THADA: variants seen among roughly 807,000 people sequenced by gnomAD.
THADA encodes the protein tRNA (32-2'-O)-methyltransferase regulator THADA.
THADA carries 213 observed loss-of-function variants against 219.8 expected under a neutral mutation model. The observed-to-expected ratio is 0.97, with a 90% confidence interval of 0.87 to 1.09. The LOEUF is 1.09. Among genes scored for constraint, THADA ranks in the 50% least tolerant of loss-of-function variants. The pLI, the probability that THADA is intolerant of heterozygous loss-of-function variation, is 0.00. For synonymous variants in THADA, 1,018 were observed against 828.9 expected (o/e 1.23, Z -3.92); for missense variants, 2,956 against 2,311.3 (o/e 1.28, Z -5.72).
chr2:43,502,410 C>T (rs1198216071), intron 24 of THADA, among the ~76,000 whole-genome samples: 1 of 151,814 alleles, frequency 6.6e-6, no homozygotes, highest in African/African-American at 2.4e-5. Flanking sequence ...CATGGCAAAA[C>T]CTCGTCTCTA....
At chr2:43,422,180 G>C (rs1490781428) in intron 28 of THADA, among the ~76,000 whole-genome samples, 1 of 152,168 alleles carries the variant, frequency 6.6e-6, no homozygotes, top group Non-Finnish European at 1.5e-5. Flanking sequence ...CCTTGATAGA[G>C]AATACTAATT....
chr2:43,430,205 C>A lies in THADA; in HGVS notation c.3926+8G>T. 1.3e-6 allele frequency: 2 copies of A among 1,485,278 alleles called. No individual in the cohort carries two copies. Among genetic ancestry groups the A allele is most frequent in the Non-Finnish European group, 1.8e-6 (2 of 1,106,994 alleles). The allele number at this position is 1,485,278 out of a possible 1,614,324, so 92.0% of individuals were successfully genotyped here. On this transcript the variant is annotated splice_region_variant and intron_variant, in intron 27 of 37. Coordinates refer to ENST00000405975, the MANE Select transcript of THADA (RefSeq NM_022065.5). ...AGGTCATTTTGCCCCACCCAATTCT[C>A]TTCTTACCTGTCTACTGTATTGGCT...
chr2:43,517,790 G>A (rs1691915026), intron 22 of THADA, among the ~76,000 whole-genome samples: 1 of 152,020 alleles, frequency 6.6e-6, no homozygotes, highest in Non-Finnish European at 1.5e-5. Flanking sequence ...ACATGTGGTT[G>A]GAGACTCTCA....
intron 36 of THADA, among the ~76,000 whole-genome samples, chr2:43,237,963 A>G (rs1006629978): frequency 6.6e-6 from 1 of 151,250 alleles, no homozygotes. Context: ...TACTAAAAAT[A>G]CAAAAATTAG....
intron 29 of THADA, among the ~76,000 whole-genome samples, chr2:43,347,430 T>C (rs574500075): frequency 9.2e-5 from 14 of 152,270 alleles, no homozygotes; most frequent in African/African-American, 3.4e-4. Flanking sequence ...TACGTGGCCT[T>C]AAAAACAGTC....
At chr2:43,235,867 C>T (rs1196403035) in intron 36 of THADA, among the ~76,000 whole-genome samples, 1 of 151,610 alleles carries the variant, frequency 6.6e-6, no homozygotes, top group Non-Finnish European at 1.5e-5. Flanking sequence ...AGTGCAGTGG[C>T]GGGATCTCGG....
At chr2:43,400,932 T>G (rs1674756812) in intron 28 of THADA, among the ~76,000 whole-genome samples, 1 of 152,192 alleles carries the variant, frequency 6.6e-6, no homozygotes, top group Non-Finnish European at 1.5e-5. Context: ...GGGTCTTTTT[T>G]TGGCCACTAT....
chr2:43,427,523 G>GTGTA (rs1553438548), intron 28 of THADA, among the ~76,000 whole-genome samples: 3 of 151,268 alleles, frequency 2.0e-5, no homozygotes, highest in African/African-American at 7.3e-5. Context: ...GTGTGTGTGT[G>GTGTA]TGTGTGTGTG....
At chr2:43,272,754 A>G (rs1343510901) in intron 36 of THADA, among the ~76,000 whole-genome samples, 2 of 150,626 alleles carry the variant, frequency 1.3e-5, no homozygotes, top group African/African-American at 4.9e-5. Flanking sequence ...CCTCTTCAGT[A>G]GCTGGAACCA....
In THADA at chr2:43,556,568, G is replaced by T. The variant is rs776620524; in HGVS notation, c.2464-13C>A. 6 of 1,607,710 alleles carry T rather than the reference G, an allele frequency of 3.7e-6. No individual in the cohort carries two copies. The highest frequency in any genetic ancestry group is 5.1e-6 in the Non-Finnish European group (6 of 1,176,232). ...GTTTCCCCGAATCCTAGAATAAAGC[G>T]CAGACTCAGTAACTGTCAAATTAAA... is the stretch of plus-strand genomic sequence containing the variant. On this transcript the variant is annotated splice_polypyrimidine_tract_variant and intron_variant, in intron 16 of 37. Transcript: ENST00000405975.
At chr2:43,255,471 G>A (rs1178178784) in intron 36 of THADA, among the ~76,000 whole-genome samples, 2 of 152,146 alleles carry the variant, frequency 1.3e-5, no homozygotes, top group African/African-American at 4.8e-5. Flanking sequence ...TTCCACGGGT[G>A]TGGCTGACTT....
At chr2:43,240,501 C>G (rs1366539836) in intron 36 of THADA, among the ~76,000 whole-genome samples, 1 of 152,178 alleles carries the variant, frequency 6.6e-6, no homozygotes, top group Non-Finnish European at 1.5e-5. Flanking sequence ...CTGCCAGAAG[C>G]CTCTCAGTCC....
In THADA at chr2:43,552,312, T is replaced by G; in HGVS notation, c.2702A>C (p.Glu901Ala). ...MVIKCLMENL[E>A]EEVSQAENSL... is the part of the protein sequence containing the mutation. Reference sequence around the variant, plus strand: ...ATTTTCAGCCTGAGATACTTCTTCCTCAAGATTTTCCATCAAGCATTTGAT... The same window carrying G: ...ATTTTCAGCCTGAGATACTTCTTCCGCAAGATTTTCCATCAAGCATTTGAT... Residue 901 changes from glutamate (E) to alanine (A), a missense_variant, in exon 18 of 38, where the codon GAG becomes GCG. Coordinates refer to ENST00000405975, the MANE Select transcript of THADA (RefSeq NM_022065.5). 1 of 1,597,036 alleles carries G rather than the reference T, an allele frequency of 6.3e-7. No homozygotes were observed. Among genetic ancestry groups the G allele is most frequent in the South Asian group, 1.1e-5 (1 of 87,080 alleles).
intron 31 of THADA, among the ~76,000 whole-genome samples, chr2:43,299,278 C>G (rs1231855750): frequency 6.6e-6 from 1 of 151,902 alleles, no homozygotes; most frequent in Admixed American, 6.6e-5. Flanking sequence ...TTGGGAGATA[C>G]AGAGATGCAG....
intron 35 of THADA, among the ~76,000 whole-genome samples, chr2:43,284,176 T>A (rs1326323657): frequency 6.6e-6 from 1 of 151,648 alleles, no homozygotes; most frequent in African/African-American, 2.4e-5. Context: ...TGAAACTCCA[T>A]CTCAAAAAAA....
chr2:43,403,348 T>TGATAATAG (rs1325402887), intron 28 of THADA, among the ~76,000 whole-genome samples: 7 of 152,232 alleles, frequency 4.6e-5, no homozygotes, highest in Non-Finnish European at 8.8e-5. Flanking sequence ...AAGATGATGC[T>TGATAATAG]GATAATAGCT....
chr2:43,286,038 C>T (rs963392149), intron 35 of THADA, among the ~76,000 whole-genome samples: 1 of 152,196 alleles, frequency 6.6e-6, no homozygotes, highest in Non-Finnish European at 1.5e-5. Context: ...ATCTTTTGAG[C>T]CTGTTCTCTC....
rs115743308 is a variant in THADA at position 43,524,820 on chromosome 2, T to C, written c.3374+3059A>G. Among the ~76,000 whole-genome samples, 298 of 152,312 alleles carry C rather than the reference T, an allele frequency of 2.0e-3. 2 individuals carry two copies. Among genetic ancestry groups the C allele is most frequent in the Middle Eastern group, 6.8e-3 (2 of 294 alleles). ...TAAACTAGATTAGGAGGGGCTAAGA[T>C]ACCAGGCATTGGGCATTCCCTAGTC... is the stretch of plus-strand genomic sequence containing the variant. On this transcript the variant is annotated intron_variant, in intron 22 of 37. Transcript: ENST00000405975.
At chr2:43,249,336 C>T (rs1013766058) in intron 36 of THADA, among the ~76,000 whole-genome samples, 3 of 152,214 alleles carry the variant, frequency 2.0e-5, no homozygotes, top group African/African-American at 7.2e-5. Context: ...ATTGCTCCCA[C>T]CTTGGCCTCC....
Sources: gnomAD v4.1 joint callset for allele counts (sites outside exome capture counted in the v4.1 genomes callset) on GRCh38, gnomAD v4.1.1 for gene constraint, MANE v1.5 for transcripts, NCBI Gene and HGNC (gene_info 2026-07-23, HGNC 2026-07-21) for gene names.